ANK1: variants seen among roughly 807,000 people sequenced by gnomAD.
ANK1 encodes ankyrin 1.
In ANK1, 51 loss-of-function variants were observed where a neutral mutation model predicts 210.4. The ratio of observed to expected loss-of-function variants is 0.24; its 90% CI spans 0.19 to 0.31. ANK1 has a LOEUF of 0.31. ANK1 is among the 10% of genes least tolerant of loss of function. The pLI, the probability that ANK1 is intolerant of heterozygous loss-of-function variation, is 1.00. For missense variants in ANK1, 2,051 were observed against 2,504.4 expected (o/e 0.82, Z 3.86); for synonymous variants, 967 against 1,025.9 (o/e 0.94, Z 1.10).
At chr8:41,660,350 G>T in intron 42 of ANK1, 5 of 453,812 alleles carry the variant, frequency 1.1e-5, no homozygotes, top group South Asian at 8.1e-5. Flanking sequence ...CGGTCCCAGA[G>T]TCAGGCCCTG....
At chr8:41,664,826 G>C (rs1287501130) in intron 39 of ANK1, 2 of 1,610,554 alleles carry the variant, frequency 1.2e-6, no homozygotes, top group Non-Finnish European at 1.7e-6. Flanking sequence ...CCCGCCGCCG[G>C]ACCACCCTGG....
At position 41,803,085 on chromosome 8, in the gene ANK1, G is replaced by GGGAAGGAAAGGA. The variant is rs1563811160; in HGVS notation, c.127-44949_127-44948insTCCTTTCCTTCC. Among the ~76,000 whole-genome samples the GGGAAGGAAAGGA allele has an allele frequency of 1.6e-3, 94 of 60,030 alleles. 1 individual carries two copies. Among genetic ancestry groups the GGGAAGGAAAGGA allele is most frequent in the South Asian group, 4.3e-3 (6 of 1,400 alleles). The allele number at this position is 60,030 out of a possible 152,430, so 39.4% of individuals were successfully genotyped here. On this transcript the variant is annotated intron_variant, in intron 1 of 42. Transcript: ENST00000265709. ...AAAGGAAGGAAGGAAGGAAGGAAGG[G>GGGAAGGAAAGGA]AAGGAAAGGAAAGGAAAGGAAAGGA...
At chr8:41,820,413 C>A (rs377089898) in intron 1 of ANK1, among the ~76,000 whole-genome samples, 10 of 149,558 alleles carry the variant, frequency 6.7e-5, no homozygotes, top group African/African-American at 2.5e-4. Flanking sequence ...TTAGGCTGGT[C>A]GCAAACACCT....
intron 37 of ANK1, among the ~76,000 whole-genome samples, chr8:41,675,303 G>A (rs956272422): frequency 3.9e-5 from 6 of 152,152 alleles, no homozygotes; most frequent in Admixed American, 1.3e-4. Context: ...CACCCTGTTG[G>A]CCAGGCTGGT....
At chr8:41,716,866 G>T in intron 13 of ANK1, 87 bp downstream of exon 13, 1 of 1,360,852 alleles carries the variant, frequency 7.3e-7, no homozygotes, top group Admixed American at 1.7e-5. Flanking sequence ...CAGCACTGCA[G>T]CCCCGCCTGG....
At chr8:41,840,837 T>G (rs1808760625) in intron 1 of ANK1, among the ~76,000 whole-genome samples, 2 of 152,206 alleles carry the variant, frequency 1.3e-5, no homozygotes, top group African/African-American at 4.8e-5. Context: ...AGTGGCCCGC[T>G]TGAAACGTCG....
Position 41,684,650 on chromosome 8 carries a change from G to C in ANK1, c.4431C>G (p.Gly1477=), listed in dbSNP as rs567323747. The change falls in exon 37 of 43, where the codon GGC becomes GGG. Residue 1477 remains glycine (G), a synonymous_variant. Transcript: ENST00000289734. ...LYTALQSIDR[G]EIVNMLEGSG... is the part of the protein sequence containing the mutation. ...AACCCTCCAGCATGTTCACGATCTC[G>C]CCACGGTCAATGCTCTGCAGGGCTG... The C allele has an allele frequency of 6.2e-7, 1 of 1,613,824 alleles. No individual in the cohort carries two copies. Among genetic ancestry groups the C allele is most frequent in the South Asian group, 1.1e-5 (1 of 91,084 alleles).
chr8:41,888,806 T>C (rs187787993), intron 1 of ANK1, among the ~76,000 whole-genome samples: 5 of 152,282 alleles, frequency 3.3e-5, no homozygotes, highest in South Asian at 4.1e-4. Flanking sequence ...ATTTGCACTC[T>C]GTGTTAACCT....
In ANK1 at chr8:41,655,680, C is replaced by T. The variant is rs370292188; in HGVS notation, c.*110G>A. On this transcript the variant is annotated 3_prime_UTR_variant, in exon 43 of 43. Coordinates refer to ENST00000289734, the MANE Select transcript of ANK1 (RefSeq NM_000037.4). ...GGAATGTGTGCACCGCTGCGGTGGC[C>T]CTCAGGTCCAGCTCTCCTCCTGTGT... is the stretch of plus-strand genomic sequence containing the variant. 7.3e-5 allele frequency: 118 copies of T among 1,607,502 alleles called. No individual in the cohort carries two copies. Among genetic ancestry groups the T allele is most frequent in the Non-Finnish European group, 9.1e-5 (107 of 1,174,376 alleles).
At chr8:41,718,616 T>G (rs181240815) in intron 10 of ANK1, among the ~76,000 whole-genome samples, 279 of 152,328 alleles carry the variant, frequency 1.8e-3, no homozygotes, top group African/African-American at 6.3e-3. Context: ...TGCTTTAAAG[T>G]GTGATATACT....
At chr8:41,696,187 A>G (rs1820880413) in intron 26 of ANK1, among the ~76,000 whole-genome samples, 176 bp downstream of exon 26, 1 of 152,020 alleles carries the variant, frequency 6.6e-6, no homozygotes, top group Non-Finnish European at 1.5e-5. Flanking sequence ...ATCGTGCCCG[A>G]CCTGAGATCT....
chr8:41,777,977 A>G (rs979935143), intron 1 of ANK1, among the ~76,000 whole-genome samples: 2 of 152,192 alleles, frequency 1.3e-5, no homozygotes, highest in Non-Finnish European at 2.9e-5. Flanking sequence ...GACAATCATT[A>G]CCAATATCCA....
chr8:41,828,684 G>T (rs1011217398), intron 1 of ANK1: 5 of 153,846 alleles, frequency 3.2e-5, no homozygotes, highest in African/African-American at 1.2e-4. Flanking sequence ...ACAATGACCG[G>T]GCTGGAGAGG....
rs1211020142 is a variant in ANK1, at chr8:41,672,564, T to A, written c.4886A>T (p.Asp1629Val). 1 of 1,614,134 alleles carries A rather than the reference T, an allele frequency of 6.2e-7. No individual in the cohort carries two copies. The highest frequency in any genetic ancestry group is 1.3e-5 in the African/African-American group (1 of 74,942). ...ELVEDDTVDS[D>V]ATNGLIDLLE... ...CAAATCGATAAGGCCATTTGTGGCA[T>A]CTGAATCCACTGTGTCGTCCTCCAC... The change falls in exon 38 of 43, where the codon GAT (aspartate) becomes GTT (valine). Residue 1629 changes from aspartate (D) to valine (V), a missense_variant. Physicochemically the swap from Asp to Val is radical, Grantham distance 152. Around this residue, in one of 6 missense-constraint regions of ANK1, gnomAD observed 496 missense variants for 533.4 expected, o/e 0.93. Transcript: ENST00000289734.
chr8:41,840,022 T>G (rs952902954), intron 1 of ANK1: 1 of 152,000 alleles, frequency 6.6e-6, no homozygotes, highest in Non-Finnish European at 1.5e-5. Flanking sequence ...GATTTAAACT[T>G]GTTTTTTTTT....
At chr8:41,827,076 C>G (rs1200078631) in intron 1 of ANK1, among the ~76,000 whole-genome samples, 1 of 152,192 alleles carries the variant, frequency 6.6e-6, no homozygotes, top group Non-Finnish European at 1.5e-5. Flanking sequence ...AATATAAGCC[C>G]TTAATAATCA....
At position 41,702,070 on chromosome 8, in the gene ANK1, C is replaced by A. The variant is rs540304535; in HGVS notation, c.2370G>T (p.Thr790=). The change falls in exon 21 of 43, where the codon ACG becomes ACT. Residue 790 remains threonine (T), a synonymous_variant. Coordinates refer to ENST00000289734, the MANE Select transcript of ANK1 (RefSeq NM_000037.4). ...ISVTDVLKVV[T]DETSFVLVSD... is the part of the protein sequence containing the mutation. The stretch of plus-strand genomic sequence containing the variant: ...GACATACCACGAAACTGGTTTCATC[C>A]GTGACGACCTTGAGCACGTCGGTGA... 349 of 1,614,148 alleles carry A rather than the reference C, an allele frequency of 2.2e-4. 8 individuals carry two copies. In the South Asian group the frequency reaches 3.7e-3, roughly 17 times the overall value.
At chr8:41,823,614 A>G (rs756605117) in intron 1 of ANK1, among the ~76,000 whole-genome samples, 4 of 151,800 alleles carry the variant, frequency 2.6e-5, no homozygotes, top group African/African-American at 4.8e-5. Flanking sequence ...AAAAAAAAAA[A>G]TTAGCCGGGC....
chr8:41,768,061 C>T (rs1164992507), intron 1 of ANK1, among the ~76,000 whole-genome samples: 1 of 152,242 alleles, frequency 6.6e-6, no homozygotes, highest in Non-Finnish European at 1.5e-5. Flanking sequence ...GGTTAACTAG[C>T]GTCACCCGAG....
Sources: gnomAD v4.1 joint callset for allele counts (sites outside exome capture counted in the v4.1 genomes callset) on GRCh38, gnomAD v4.1.1 for gene constraint, gnomAD v4.1.1 regional missense constraint, MANE v1.5 for transcripts, NCBI Gene and HGNC (gene_info 2026-07-23, HGNC 2026-07-21) for gene names.